The following NTRK3 variants were observed in gnomAD, a reference collection of about 807,000 sequenced individuals.
NTRK3 encodes the protein neurotrophic receptor tyrosine kinase 3.
A neutral mutation model predicts 91.7 loss-of-function variants in NTRK3; 24 were observed. The observed-to-expected ratio is 0.26, with a 90% confidence interval of 0.19 to 0.37. The LOEUF (loss-of-function observed/expected upper bound fraction) is 0.37. NTRK3 is among the 10% of genes least tolerant of loss of function. NTRK3 has a pLI of 1.00. For synonymous variants in NTRK3, 483 were observed against 404.0 expected (o/e 1.20, Z -2.34); for missense variants, 880 against 1,068.9 (o/e 0.82, Z 2.46).
intron 13 of NTRK3, among the ~76,000 whole-genome samples, chr15:88,125,110 G>A (rs551003260): frequency 1.3e-5 from 2 of 152,182 alleles, no homozygotes; most frequent in African/African-American, 4.8e-5. Flanking sequence ...CTCCTGAGTA[G>A]CTGGGTTTAC....
intron 15 of NTRK3, among the ~76,000 whole-genome samples, chr15:87,934,179 C>T (rs2069060371): frequency 6.6e-6 from 1 of 152,150 alleles, no homozygotes; most frequent in South Asian, 2.1e-4. Flanking sequence ...AGGAGAGGCC[C>T]TTTCTGCATG....
At chr15:87,878,416 A>C (rs1321347059) in intron 18 of NTRK3, among the ~76,000 whole-genome samples, 1 of 151,938 alleles carries the variant, frequency 6.6e-6, no homozygotes, top group African/African-American at 2.4e-5. Context: ...GGTTATATTC[A>C]CCCTGGAGTT....
chr15:87,885,246 CA>C (rs1396226420), intron 17 of NTRK3, among the ~76,000 whole-genome samples: 1 of 151,800 alleles, frequency 6.6e-6, no homozygotes, highest in African/African-American at 2.4e-5. Flanking sequence ...CATTGAAAAA[CA>C]TAAAAGAGGA....
intron 3 of NTRK3, among the ~76,000 whole-genome samples, chr15:88,198,171 G>A (rs957823819): frequency 1.3e-5 from 2 of 152,212 alleles, no homozygotes; most frequent in Non-Finnish European, 2.9e-5. Context: ...CCATGGCAGG[G>A]AGGGTAACCC....
intron 10 of NTRK3, among the ~76,000 whole-genome samples, chr15:88,130,539 C>A (rs1465503846): frequency 2.6e-5 from 4 of 152,060 alleles, no homozygotes; most frequent in Non-Finnish European, 5.9e-5. Context: ...AAAGTCAACA[C>A]CCCCAGTACC....
chr15:88,095,422 C>T (rs1340445403), intron 13 of NTRK3, among the ~76,000 whole-genome samples: 1 of 152,172 alleles, frequency 6.6e-6, no homozygotes, highest in Non-Finnish European at 1.5e-5. Context: ...GATGAGTGGT[C>T]TCCATTGAAC....
chr15:88,154,649 G>C (rs549656760), intron 5 of NTRK3, among the ~76,000 whole-genome samples: 1 of 152,146 alleles, frequency 6.6e-6, no homozygotes, highest in Non-Finnish European at 1.5e-5. Flanking sequence ...CTGGTGTCTT[G>C]ACCTTAGCTC....
rs1455269540 is a variant in NTRK3, at chr15:87,867,849, AAATT to A, written c.*9082_*9085del. The stretch of plus-strand genomic sequence containing the variant: ...CAAATTCAGTACCATTTCCCCCAGA[AAATT>A]AATTAATTAAATAAAATCTGAATCA... On this transcript the variant is annotated 3_prime_UTR_variant, in exon 19 of 19. Coordinates refer to ENST00000394480, the Ensembl canonical transcript of NTRK3. 4.0e-5 allele frequency: 9 copies of A among 226,286 alleles called. No homozygotes were observed. The East Asian group carries it at 4.5e-4, about 11-fold the overall frequency. The allele number at this position is 226,286 out of a possible 1,614,324, so 14.0% of individuals were successfully genotyped here. A position where few individuals can be genotyped will look rare whatever the true frequency, so the allele number is the denominator to read the frequency against.
At chr15:88,043,424 T>C (rs1007153731) in intron 13 of NTRK3, among the ~76,000 whole-genome samples, 1 of 152,248 alleles carries the variant, frequency 6.6e-6, no homozygotes, top group Non-Finnish European at 1.5e-5. Context: ...AGACATTTAT[T>C]TTCCCTAAAG....
intron 14 of NTRK3, among the ~76,000 whole-genome samples, chr15:87,956,864 GCT>G (rs2071719759): frequency 6.6e-6 from 1 of 152,340 alleles, no homozygotes; most frequent in African/African-American, 2.4e-5. Flanking sequence ...GAGCCACGCT[GCT>G]CTGTTTTTTA....
At chr15:88,077,132 C>A (rs1271057112) in intron 13 of NTRK3, among the ~76,000 whole-genome samples, 1 of 152,022 alleles carries the variant, frequency 6.6e-6, no homozygotes, top group African/African-American at 2.4e-5. Context: ...GATGAAACTG[C>A]ATTTCTCCAA....
exon 19 of NTRK3, chr15:87,859,899 AGG>A (rs2141365032): frequency 5.4e-6 from 1 of 184,364 alleles, no homozygotes; most frequent in East Asian, 8.8e-5. Flanking sequence ...CATATGACCA[AGG>A]AGTATTTACA....
chr15:87,968,696 G>T (rs564717902), intron 14 of NTRK3, among the ~76,000 whole-genome samples: 1 of 152,266 alleles, frequency 6.6e-6, no homozygotes, highest in South Asian at 2.1e-4. Flanking sequence ...CCATGTGTTT[G>T]CATCTCCCAG....
intron 13 of NTRK3, among the ~76,000 whole-genome samples, chr15:88,048,228 G>C (rs2080434454): frequency 6.6e-6 from 1 of 152,126 alleles, no homozygotes; most frequent in African/African-American, 2.4e-5. Context: ...CTGCCATGAA[G>C]CTAAACCACT....
chr15:87,884,994 T>A (rs2065454752), intron 17 of NTRK3, among the ~76,000 whole-genome samples: 1 of 151,914 alleles, frequency 6.6e-6, no homozygotes, highest in Non-Finnish European at 1.5e-5. Flanking sequence ...AACTGCCTGT[T>A]GTATGGATAT....
At chr15:88,176,998 A>C (rs2046060004) in intron 5 of NTRK3, among the ~76,000 whole-genome samples, 1 of 152,352 alleles carries the variant, frequency 6.6e-6, no homozygotes, top group Admixed American at 6.5e-5. Flanking sequence ...AGAAGGGGCC[A>C]GCCATGCCAA....
intron 17 of NTRK3, chr15:87,926,711 A>G (rs939219229): frequency 1.2e-4 from 19 of 152,350 alleles, no homozygotes; most frequent in South Asian, 1.0e-3. Flanking sequence ...ACTAGTTTCA[A>G]TAAATATTAA....
At chr15:88,072,075 G>A (rs891886844) in intron 13 of NTRK3, among the ~76,000 whole-genome samples, 6 of 144,506 alleles carry the variant, frequency 4.2e-5, no homozygotes, top group South Asian at 2.2e-4. Flanking sequence ...GTGTGATCTC[G>A]GCTCCCTGTA....
chr15:87,972,425 T>C (rs2073334236), intron 14 of NTRK3, among the ~76,000 whole-genome samples: 1 of 152,182 alleles, frequency 6.6e-6, no homozygotes, highest in Non-Finnish European at 1.5e-5. Context: ...GCAGCCTCAC[T>C]CCTTGCTCTG....
Sources: allele counts gnomAD v4.1 joint callset (sites outside exome capture counted in the v4.1 genomes callset), GRCh38; gene constraint gnomAD v4.1.1; transcripts MANE v1.5; gene names NCBI Gene and HGNC (gene_info 2026-07-23, HGNC 2026-07-21).